The following ATP2B1 variants were observed in gnomAD, a reference collection of about 807,000 sequenced individuals.
ATP2B1 encodes the protein plasma membrane calcium-transporting ATPase 1.
ATP2B1 carries 14 observed loss-of-function variants against 124.2 expected under a neutral mutation model. The observed-to-expected ratio is 0.11, with a 90% confidence interval of 0.07 to 0.18. The LOEUF is 0.18. Among genes scored for constraint, ATP2B1 ranks in the 10% least tolerant of loss-of-function variants. The pLI, the probability that ATP2B1 is intolerant of heterozygous loss-of-function variation, is 1.00. For synonymous variants in ATP2B1, 449 were observed against 492.4 expected (o/e 0.91, Z 1.17); for missense variants, 763 against 1,466.1 (o/e 0.52, Z 7.83).
intron 4 of ATP2B1, 38 bp downstream of exon 4, chr12:89,634,954 TTTATG>T (rs754691028): frequency 2.5e-6 from 4 of 1,610,374 alleles, no homozygotes; most frequent in Non-Finnish European, 3.4e-6. Flanking sequence ...TTACAGTAAT[TTTATG>T]TTTAGTGTCA....
chr12:89,597,581 CCT>C (rs1441491888), intron 20 of ATP2B1, among the ~76,000 whole-genome samples: 3 of 152,122 alleles, frequency 2.0e-5, no homozygotes, highest in African/African-American at 7.2e-5. Context: ...CTTAATTCAT[CCT>C]CTCTGCAGCT....
rs766554753 is a variant in ATP2B1, at chr12:89,634,985, T to C, written c.661+12A>G. On this transcript the variant is annotated intron_variant, in intron 4 of 20. Coordinates refer to ENST00000428670, the MANE Select transcript of ATP2B1 (RefSeq NM_001366521.1). Reference sequence around the variant, plus strand: ...TTTAGTGTCAGATGTACTGCTCTTTTTACTTACTTACCATATTTCACTTGA... The same window carrying C: ...TTTAGTGTCAGATGTACTGCTCTTTCTACTTACTTACCATATTTCACTTGA... 2 of 1,613,296 alleles carry C rather than the reference T, an allele frequency of 1.2e-6. No individual in the cohort carries two copies. Among genetic ancestry groups the C allele is most frequent in the South Asian group, 2.2e-5 (2 of 91,060 alleles).
rs1007048705 is a variant in ATP2B1 at position 89,590,162 on chromosome 12, C to T, written c.*822G>A. On this transcript the variant is annotated 3_prime_UTR_variant, in exon 21 of 21. Coordinates refer to ENST00000428670, the MANE Select transcript of ATP2B1 (RefSeq NM_001366521.1). ...GAACAAAAGGTTATTAGCAAGTTTT[C>T]AAAAATTTTAAAAATTAAACAGTTG... The T allele has an allele frequency of 6.6e-6, 1 of 152,414 alleles. No homozygotes were observed. The highest frequency in any genetic ancestry group is 1.5e-5 in the Non-Finnish European group (1 of 67,972). The allele number at this position is 152,414 out of a possible 1,614,324, so 9.4% of individuals were successfully genotyped here.
At chr12:89,699,764 T>A (rs562841682) in intron 1 of ATP2B1, among the ~76,000 whole-genome samples, 1 of 152,284 alleles carries the variant, frequency 6.6e-6, no homozygotes, top group Non-Finnish European at 1.5e-5. Context: ...AGAAATGCTG[T>A]CAGCAGGAGG....
intron 1 of ATP2B1, among the ~76,000 whole-genome samples, chr12:89,700,126 T>C (rs2136846522): frequency 6.6e-6 from 1 of 151,990 alleles, no homozygotes; most frequent in South Asian, 2.1e-4. Flanking sequence ...AGGGCTGGGA[T>C]TACAGGCAGG....
chr12:89,616,551 A>C (rs1879007636), intron 12 of ATP2B1, among the ~76,000 whole-genome samples: 1 of 152,136 alleles, frequency 6.6e-6, no homozygotes, highest in African/African-American at 2.4e-5. Context: ...TGAAAATTCT[A>C]CCCACTTCAA....
chr12:89,634,663 G>T, intron 5 of ATP2B1, 115 bp downstream of exon 5: 1 of 1,136,880 alleles, frequency 8.8e-7, no homozygotes, highest in Non-Finnish European at 1.2e-6. Flanking sequence ...GTAGAAGGTA[G>T]CATAAAATAC....
intron 10 of ATP2B1, 83 bp from the exon 11 acceptor site, chr12:89,620,323 C>A: frequency 1.4e-6 from 2 of 1,461,172 alleles, no homozygotes; most frequent in Non-Finnish European, 1.9e-6. Context: ...CTGCGATATT[C>A]TAAAATAAAA....
intron 1 of ATP2B1, among the ~76,000 whole-genome samples, chr12:89,701,080 A>G (rs1254232165): frequency 6.6e-6 from 1 of 152,200 alleles, no homozygotes; most frequent in Admixed American, 6.5e-5. Context: ...ACTTCTTGGC[A>G]GCTGGAAGAA....
At chr12:89,682,216 C>A (rs942974867) in intron 1 of ATP2B1, among the ~76,000 whole-genome samples, 1 of 151,854 alleles carries the variant, frequency 6.6e-6, no homozygotes, top group Non-Finnish European at 1.5e-5. Flanking sequence ...GTAAAAACAC[C>A]TGAAATATAA....
At chr12:89,659,123 T>C (rs1886358699) in intron 1 of ATP2B1, among the ~76,000 whole-genome samples, 1 of 152,228 alleles carries the variant, frequency 6.6e-6, no homozygotes, top group Admixed American at 6.5e-5. Flanking sequence ...ACACAGGCTA[T>C]TTGGGACTGA....
intron 2 of ATP2B1, among the ~76,000 whole-genome samples, chr12:89,648,701 T>A (rs757808684): frequency 2.0e-5 from 3 of 152,276 alleles, no homozygotes; most frequent in Non-Finnish European, 4.4e-5. Flanking sequence ...TGAGTGCTAA[T>A]AGATAAGGCA....
chr12:89,686,226 C>T (rs555744788), intron 1 of ATP2B1, among the ~76,000 whole-genome samples: 1 of 152,042 alleles, frequency 6.6e-6, no homozygotes, highest in Non-Finnish European at 1.5e-5. Flanking sequence ...TTATTTTATA[C>T]CCTAATCCCT....
chr12:89,707,626 C>T (rs993263518), intron 1 of ATP2B1, among the ~76,000 whole-genome samples: 1 of 152,168 alleles, frequency 6.6e-6, no homozygotes, highest in African/African-American at 2.4e-5. Flanking sequence ...GAGGGTCGAG[C>T]CCTCCAAGTA....
chr12:89,647,451 T>G (rs1001040883), intron 2 of ATP2B1, among the ~76,000 whole-genome samples: 3 of 152,184 alleles, frequency 2.0e-5, no homozygotes, highest in African/African-American at 7.2e-5. Context: ...CCTTAATATT[T>G]TACAAGAAAA....
At chr12:89,703,890 G>C (rs10745511) in intron 1 of ATP2B1, among the ~76,000 whole-genome samples, 115,361 of 152,078 alleles carry the variant, frequency 0.76, 44,464 homozygotes, top group Non-Finnish European at 0.82. Context: ...GCAGACTACT[G>C]TAGCATTTGG....
chr12:89,704,118 G>A (rs1892172707), intron 1 of ATP2B1, among the ~76,000 whole-genome samples: 1 of 152,080 alleles, frequency 6.6e-6, no homozygotes, highest in Non-Finnish European at 1.5e-5. Context: ...ATATTTCAAA[G>A]AGATTTAGGT....
At chr12:89,642,411 T>C (rs1565860326) in intron 2 of ATP2B1, 56 bp from the exon 3 acceptor site, 15 of 1,486,424 alleles carry the variant, frequency 1.0e-5, no homozygotes, top group East Asian at 4.5e-5. Context: ...AATGAAAATA[T>C]ATAGTTTTAT....
At chr12:89,677,967 T>TACACACAC (rs1375127866) in intron 1 of ATP2B1, among the ~76,000 whole-genome samples, 1 of 54,540 alleles carries the variant, frequency 1.8e-5, no homozygotes, top group South Asian at 5.6e-4. Context: ...TATATATATA[T>TACACACAC]ATATACACAC....
Sources: gnomAD v4.1 joint callset for allele counts (sites outside exome capture counted in the v4.1 genomes callset) on GRCh38, gnomAD v4.1.1 for gene constraint, MANE v1.5 for transcripts, NCBI Gene and HGNC (gene_info 2026-07-23, HGNC 2026-07-21) for gene names.